The following PTPRD variants were observed in gnomAD, a reference collection of about 807,000 sequenced individuals.
PTPRD encodes the protein receptor-type tyrosine-protein phosphatase delta.
PTPRD carries 34 observed loss-of-function variants against 214.5 expected under a neutral mutation model. The ratio of observed to expected loss-of-function variants is 0.16; its 90% confidence interval spans 0.12 to 0.21. The LOEUF (loss-of-function observed/expected upper bound fraction) is 0.21, where lower values mean the gene tolerates loss of function less well. Ranked by LOEUF, PTPRD falls within the 10% of genes least tolerant of loss-of-function variation. The probability of loss-of-function intolerance (pLI) is 1.00; values close to 1 mark genes in which losing one functional copy is unlikely to be tolerated. For synonymous variants in PTPRD, 1,128 were observed against 845.7 expected, an observed-to-expected ratio of 1.33 and a Z score of -5.79; for missense variants, 2,545 against 2,398.7, an observed-to-expected ratio of 1.06 and a Z score of -1.27.
intron 8 of PTPRD, among the ~76,000 whole-genome samples, chr9:9,420,549 G>C (rs746171498): frequency 6.6e-6 from 1 of 151,842 alleles, no homozygotes; most frequent in South Asian, 2.1e-4. Flanking sequence ...ATAACTTTGG[G>C]TCTAACAATT....
At chr9:10,240,330 G>A (rs76035471) in intron 3 of PTPRD, among the ~76,000 whole-genome samples, 4,834 of 151,908 alleles carry the variant, frequency 0.032, 197 homozygotes, top group East Asian at 0.2. Flanking sequence ...TTTTGATAAA[G>A]GGGTTTCAGC....
chr9:10,444,171 T>C (rs2098782184), intron 2 of PTPRD, among the ~76,000 whole-genome samples: 2 of 151,822 alleles, frequency 1.3e-5, no homozygotes, highest in South Asian at 4.1e-4. Flanking sequence ...TTATGTTAGG[T>C]GACTGTATCA....
At position 8,524,950 on chromosome 9, in the gene PTPRD, G is replaced by A. The variant is rs201210585; in HGVS notation, c.654C>T (p.Ser218=). 304 of 1,613,536 alleles carry A rather than the reference G, an allele frequency of 1.9e-4. 1 individual carries two copies. The highest frequency in any genetic ancestry group is 1.8e-3 in the African/African-American group (138 of 74,986). ...CTCTGACATATAAATTGGCAGGAGC[G>A]GAATAGCGAGTGCCCGCGCTGTTGG... The part of the protein sequence containing the change: ...VATNSAGTRY[S]APANLYVREL... The change falls in exon 18 of 46, where the codon TCC becomes TCT. Residue 218 remains serine (S), a synonymous_variant. Transcript: ENST00000381196.
At chr9:9,053,765 T>G (rs898762036) in intron 10 of PTPRD, among the ~76,000 whole-genome samples, 1 of 152,094 alleles carries the variant, frequency 6.6e-6, no homozygotes, top group Middle Eastern at 3.2e-3. Flanking sequence ...TGAGTGAAAA[T>G]TGGATGTTAT....
chr9:9,852,077 G>C (rs1235918838), intron 5 of PTPRD, among the ~76,000 whole-genome samples: 1 of 151,820 alleles, frequency 6.6e-6, no homozygotes, highest in Non-Finnish European at 1.5e-5. Context: ...ACAGAGACCA[G>C]ACATATAAAA....
chr9:8,620,531 T>C (rs1208589328), intron 14 of PTPRD, among the ~76,000 whole-genome samples: 1 of 151,976 alleles, frequency 6.6e-6, no homozygotes, highest in African/African-American at 2.4e-5. Flanking sequence ...GGTGGTACTG[T>C]TCAAATGCAA....
chr9:8,484,605 G>GATATATATATAT (rs1392070274), intron 29 of PTPRD, among the ~76,000 whole-genome samples: 2 of 121,428 alleles, frequency 1.6e-5, no homozygotes, highest in African/African-American at 7.2e-5. Context: ...AATACACAAA[G>GATATATATATAT]ATAGATATAT....
chr9:9,277,499 C>G (rs1414881224), intron 9 of PTPRD, among the ~76,000 whole-genome samples: 2 of 151,296 alleles, frequency 1.3e-5, no homozygotes, highest in Admixed American at 1.3e-4. Context: ...ACAGACTCAT[C>G]AGAAATATGC....
intron 8 of PTPRD, among the ~76,000 whole-genome samples, chr9:9,515,246 T>C (rs774715640): frequency 1.1e-4 from 16 of 152,152 alleles, no homozygotes; most frequent in African/African-American, 3.1e-4. Flanking sequence ...ACATACCATA[T>C]AATCATTGCT....
At chr9:8,586,823 G>A (rs1015540083) in intron 14 of PTPRD, among the ~76,000 whole-genome samples, 2 of 152,134 alleles carry the variant, frequency 1.3e-5, no homozygotes, top group African/African-American at 4.8e-5. Flanking sequence ...AGTCAGCGAG[G>A]TTATCTTGCT....
chr9:8,824,909 CTAAAGA>C (rs2097145806), intron 11 of PTPRD, among the ~76,000 whole-genome samples: 1 of 152,098 alleles, frequency 6.6e-6, no homozygotes, highest in East Asian at 1.9e-4. Flanking sequence ...TCCATTTTCA[CTAAAGA>C]TAAATTATGG....
chr9:9,944,930 A>T (rs1206483644), intron 4 of PTPRD, among the ~76,000 whole-genome samples: 2 of 152,124 alleles, frequency 1.3e-5, no homozygotes, highest in African/African-American at 2.4e-5. Context: ...GAGAAGCAGA[A>T]AAACAACAAA....
intron 3 of PTPRD, among the ~76,000 whole-genome samples, chr9:10,277,053 C>T (rs1344417697): frequency 6.6e-6 from 1 of 152,096 alleles, no homozygotes; most frequent in Non-Finnish European, 1.5e-5. Context: ...AGAGGGCTAC[C>T]CCTCCACCAG....
intron 7 of PTPRD, among the ~76,000 whole-genome samples, chr9:9,673,795 A>G (rs2096876694): frequency 6.6e-6 from 1 of 151,800 alleles, no homozygotes; most frequent in Middle Eastern, 3.4e-3. Context: ...AAAGATCAGG[A>G]AAGACAGATT....
chr9:10,322,935 G>C (rs2096577611), intron 3 of PTPRD, among the ~76,000 whole-genome samples: 1 of 151,830 alleles, frequency 6.6e-6, no homozygotes, highest in Admixed American at 6.6e-5. Context: ...CTAATGTATG[G>C]GAATGTTCAG....
chr9:9,409,161 C>T (rs1202391692), intron 8 of PTPRD, among the ~76,000 whole-genome samples: 1 of 151,786 alleles, frequency 6.6e-6, no homozygotes, highest in Admixed American at 6.6e-5. Context: ...TATATGTGTG[C>T]TGAGCTTATC....
chr9:10,040,718 TGA>T lies in PTPRD; in HGVS notation c.-544-6930_-544-6929del, dbSNP rs1172449571. Among the ~76,000 whole-genome samples the T allele has an allele frequency of 7.9e-5, 12 of 152,092 alleles. No homozygotes were observed. In the Middle Eastern group the frequency reaches 0.024, roughly 302 times the overall value. On this transcript the variant is annotated intron_variant, in intron 3 of 45. Coordinates refer to ENST00000381196, the MANE Select transcript of PTPRD (RefSeq NM_002839.4). ...TAGCAAGAAAAGATTCTTTTAAAAATGAGAGAGAAACAATGAAAGAATCTAGT... is the reference window on the plus strand; with the variant it reads ...TAGCAAGAAAAGATTCTTTTAAAAATGAGAGAAACAATGAAAGAATCTAGT...
chr9:9,141,421 C>T lies in PTPRD; in HGVS notation c.-143+41883G>A, dbSNP rs559428545. 6.1e-4 allele frequency among the ~76,000 whole-genome samples: 93 copies of T among 152,022 alleles called. 2 individuals are homozygous for T. Among genetic ancestry groups the T allele is most frequent in the South Asian group, 3.3e-3 (16 of 4,820 alleles). On this transcript the variant is annotated intron_variant, in intron 10 of 45. Coordinates refer to ENST00000381196, the MANE Select transcript of PTPRD (RefSeq NM_002839.4). Reference sequence around the variant, plus strand: ...TAGTTTGTTATAGTGGTTATCCTACCTTGACCACTTTAGAATGGTAGCTTC... The same window carrying T: ...TAGTTTGTTATAGTGGTTATCCTACTTTGACCACTTTAGAATGGTAGCTTC...
chr9:8,916,144 G>A (rs1037428470), intron 11 of PTPRD, among the ~76,000 whole-genome samples: 1 of 152,122 alleles, frequency 6.6e-6, no homozygotes, highest in Non-Finnish European at 1.5e-5. Flanking sequence ...ATTATCAATG[G>A]ATATACAGTC....
Sources: gnomAD v4.1 joint callset for allele counts (sites outside exome capture counted in the v4.1 genomes callset) on GRCh38, gnomAD v4.1.1 for gene constraint, MANE v1.5 for transcripts, NCBI Gene and HGNC (gene_info 2026-07-23, HGNC 2026-07-21) for gene names.